The following RMP64 variants were observed in gnomAD, a reference collection of about 807,000 sequenced individuals.
The protein encoded by RMP64 is ribonuclease MRP subunit p64, also known as nucleolus and neural progenitor protein.
chr3:113,013,813 C>T, the RMP64 span: 7 of 689,286 alleles, frequency 1.0e-5, no homozygotes, highest in African/African-American at 1.1e-4. Context: ...CACCAGGTAC[C>T]CCACATTAAA....
At chr3:113,015,635 T>C in the RMP64 span, among the ~76,000 whole-genome samples, 1 of 150,536 alleles carries the variant, frequency 6.6e-6, no homozygotes, top group Non-Finnish European at 1.5e-5. Context: ...ACAGGCCAAT[T>C]CTAGTACTTA....
At chr3:113,013,073 G>A in the RMP64 span, 10 of 635,808 alleles carry the variant, frequency 1.6e-5, no homozygotes, top group East Asian at 5.5e-5. Context: ...AGGATAATAC[G>A]TGCTGAACAG....
At chr3:113,010,830 T>C in the RMP64 span, 1 of 889,964 alleles carries the variant, frequency 1.1e-6, no homozygotes, top group East Asian at 2.6e-5. Context: ...AGCAAGCAAA[T>C]AACTAGGAAG....
chr3:113,005,848 A>C, the RMP64 span: 2 of 1,613,810 alleles, frequency 1.2e-6, no homozygotes, highest in African/African-American at 2.7e-5. Flanking sequence ...CCCTTAAAAG[A>C]GTCGACTGCA....
At chr3:113,015,572 C>T in the RMP64 span, among the ~76,000 whole-genome samples, 2 of 149,758 alleles carry the variant, frequency 1.3e-5, no homozygotes, top group African/African-American at 4.9e-5. Context: ...ATGTACTCCA[C>T]AGAACAGGAA....
At chr3:113,006,869 A>C in the RMP64 span, among the ~76,000 whole-genome samples, 1 of 152,208 alleles carries the variant, frequency 6.6e-6, no homozygotes, top group Admixed American at 6.5e-5. Flanking sequence ...AAAATCCTCC[A>C]TTTACCCATC....
chr3:113,018,687 C>T, the RMP64 span, among the ~76,000 whole-genome samples: 3 of 152,166 alleles, frequency 2.0e-5, no homozygotes, highest in African/African-American at 7.2e-5. Flanking sequence ...CCCGGAGCTA[C>T]GTATTTAATA....
chr3:113,014,161 A>AT, the RMP64 span: 48 of 602,712 alleles, frequency 8.0e-5, no homozygotes, highest in Middle Eastern at 8.9e-4. Context: ...AGAATACCTT[A>AT]TTTTTTTTCA....
At chr3:113,016,989 T>C in the RMP64 span, among the ~76,000 whole-genome samples, 1 of 152,238 alleles carries the variant, frequency 6.6e-6, no homozygotes, top group Non-Finnish European at 1.5e-5. Flanking sequence ...ACTTGCTATG[T>C]ACCCATTTAC....
the RMP64 span, chr3:113,013,930 A>G: frequency 6.4e-7 from 1 of 1,559,946 alleles, no homozygotes; most frequent in Non-Finnish European, 8.8e-7. Flanking sequence ...CCACATCACA[A>G]AGCAACTGGA....
the RMP64 span, chr3:113,004,905 AAAATT>A: frequency 6.6e-6 from 1 of 152,586 alleles, no homozygotes; most frequent in Non-Finnish European, 1.5e-5. Context: ...CCAAATAAAT[AAAATT>A]AAAACGTTTT....
the RMP64 span, among the ~76,000 whole-genome samples, chr3:113,007,012 G>A: frequency 6.6e-6 from 1 of 152,306 alleles, no homozygotes; most frequent in East Asian, 1.9e-4. Flanking sequence ...ATCTGGGGGA[G>A]TACTGAGTAA....
chr3:113,017,170 T>G, the RMP64 span, among the ~76,000 whole-genome samples: 1 of 152,168 alleles, frequency 6.6e-6, no homozygotes, highest in East Asian at 1.9e-4. Flanking sequence ...TGTTATAGAT[T>G]GTATATAATG....
chr3:113,008,088 T>C, the RMP64 span: 1 of 1,332,732 alleles, frequency 7.5e-7, no homozygotes, highest in Admixed American at 2.0e-5. Context: ...GGACATCACA[T>C]TTTAAAGAAA....
chr3:113,019,357 AGCCAGAG>A, the RMP64 span, among the ~76,000 whole-genome samples: 1 of 152,198 alleles, frequency 6.6e-6, no homozygotes, highest in Admixed American at 6.5e-5. Flanking sequence ...AGGAATGCGA[AGCCAGAG>A]GCCCTACAAG....
chr3:113,013,462 G>GTTTT, the RMP64 span: 2 of 938,228 alleles, frequency 2.1e-6, no homozygotes, highest in African/African-American at 1.9e-5. Context: ...TTTTTTTTTT[G>GTTTT]TTTTTTTTTT....
the RMP64 span, among the ~76,000 whole-genome samples, chr3:113,007,592 T>G: frequency 1.3e-5 from 2 of 152,194 alleles, no homozygotes; most frequent in East Asian, 3.8e-4. Context: ...CATGTAATAC[T>G]TCATGCAATA....
the RMP64 span, among the ~76,000 whole-genome samples, chr3:113,006,258 T>C: frequency 1.3e-5 from 2 of 152,184 alleles, no homozygotes; most frequent in African/African-American, 2.4e-5. Flanking sequence ...CGCCTAGCAA[T>C]TAGCTGAATG....
the RMP64 span, chr3:113,017,533 T>G: frequency 1.5e-4 from 239 of 1,613,998 alleles, no homozygotes; most frequent in Non-Finnish European, 2.0e-4. Flanking sequence ...TGTTTCTGCA[T>G]CTAAGGTTTG....
Sources: allele counts gnomAD v4.1 joint callset (sites outside exome capture counted in the v4.1 genomes callset), GRCh38; gene constraint gnomAD v4.1.1; transcripts MANE v1.5; gene names NCBI Gene and HGNC (gene_info 2026-07-23, HGNC 2026-07-21).